PRKCE: variants seen among roughly 807,000 people sequenced by gnomAD.
PRKCE encodes the protein protein kinase C epsilon type.
In PRKCE, 16 loss-of-function variants were observed where a neutral mutation model predicts 85.4. The observed-to-expected ratio is 0.19, with a 90% CI of 0.13 to 0.28. The LOEUF is 0.28. PRKCE is among the 10% of genes least tolerant of loss of function. The pLI is 1.00. For missense variants in PRKCE, 573 were observed against 975.2 expected, an observed-to-expected ratio of 0.59 and a Z score of 5.49; for synonymous variants, 388 against 371.5, an observed-to-expected ratio of 1.04 and a Z score of -0.51.
rs745821572 is a variant in PRKCE at position 45,652,980 on chromosome 2, C to A, written c.348+532C>A. Reference sequence around the variant, plus strand: ...GGTGGTTAGCTCATCTTCTGACATACAAGTAGAAAAAATGTGTTCTCCTCC... The same window carrying A: ...GGTGGTTAGCTCATCTTCTGACATAAAAGTAGAAAAAATGTGTTCTCCTCC... On this transcript the variant is annotated intron_variant, in intron 1 of 14. Coordinates refer to ENST00000306156, the MANE Select transcript of PRKCE (RefSeq NM_005400.3). The surrounding 1 kb of genome is among the most constrained non-coding windows in gnomAD (Gnocchi z 7.7). 4.6e-5 allele frequency among the ~76,000 whole-genome samples: 7 copies of A among 152,040 alleles called. No homozygotes were observed. Among genetic ancestry groups the A allele is most frequent in the Non-Finnish European group, 8.8e-5 (6 of 68,008 alleles).
At position 45,859,659 on chromosome 2, in the gene PRKCE, T is replaced by G. The variant is rs141841901; in HGVS notation, c.412+16596T>G. Among the ~76,000 whole-genome samples the G allele has an allele frequency of 2.7e-3, 416 of 152,358 alleles. 1 individual carries two copies. The highest frequency in any genetic ancestry group is 6.8e-3 in the Middle Eastern group (2 of 294). On this transcript the variant is annotated intron_variant, in intron 2 of 14. Transcript: ENST00000306156. ...TTTTCTGTTGTTTTTGTCTATTTCT[T>G]AGTGCTTCAGAGGCAGTCATGTATT...
At chr2:45,707,557 A>T (rs1023560053) in intron 1 of PRKCE, among the ~76,000 whole-genome samples, 1 of 152,184 alleles carries the variant, frequency 6.6e-6, no homozygotes, top group African/African-American at 2.4e-5. Flanking sequence ...TGGTCCTGTG[A>T]CTTGCTCTTG....
At chr2:45,702,929 G>A (rs966136854) in intron 1 of PRKCE, among the ~76,000 whole-genome samples, 20 of 152,138 alleles carry the variant, frequency 1.3e-4, no homozygotes, top group African/African-American at 3.9e-4. Flanking sequence ...TCTGGGCTTA[G>A]TGTTCCGGAG....
At chr2:45,674,177 A>G (rs896007401) in intron 1 of PRKCE, among the ~76,000 whole-genome samples, 1 of 152,206 alleles carries the variant, frequency 6.6e-6, no homozygotes, top group Non-Finnish European at 1.5e-5. Context: ...GACTGATTTC[A>G]GGTTTTGTGC....
At chr2:45,721,070 G>A (rs1009017232) in intron 1 of PRKCE, among the ~76,000 whole-genome samples, 1 of 152,106 alleles carries the variant, frequency 6.6e-6, no homozygotes, top group Non-Finnish European at 1.5e-5. Flanking sequence ...TTGTGCCACT[G>A]TACTCCAGCC....
At chr2:46,062,141 C>T (rs1038962153) in intron 10 of PRKCE, among the ~76,000 whole-genome samples, 12 of 152,252 alleles carry the variant, frequency 7.9e-5, no homozygotes, top group East Asian at 5.8e-4. Flanking sequence ...GGATTACAGG[C>T]GTGAGCCACC....
intron 2 of PRKCE, among the ~76,000 whole-genome samples, chr2:45,874,522 A>G (rs993797404): frequency 2.0e-5 from 3 of 152,230 alleles, no homozygotes; most frequent in Non-Finnish European, 2.9e-5. Flanking sequence ...GAGGCAAGTG[A>G]CAGCCTTCCC....
chr2:45,970,745 G>T (rs2104491422), intron 2 of PRKCE, among the ~76,000 whole-genome samples: 1 of 152,038 alleles, frequency 6.6e-6, no homozygotes, highest in East Asian at 1.9e-4. Context: ...TGATTATGTA[G>T]CTGAATGTCT....
At chr2:46,061,058 G>A (rs1667068833) in intron 10 of PRKCE, among the ~76,000 whole-genome samples, 1 of 150,518 alleles carries the variant, frequency 6.6e-6, no homozygotes, top group East Asian at 1.9e-4. Flanking sequence ...AACTGCGTCC[G>A]GCCAGATTTT....
chr2:45,930,039 T>C (rs944604331), intron 2 of PRKCE, among the ~76,000 whole-genome samples: 1 of 152,214 alleles, frequency 6.6e-6, no homozygotes, highest in African/African-American at 2.4e-5. Context: ...TATATCATGG[T>C]TTTTGAAAAA....
At chr2:45,920,378 G>C (rs538691911) in intron 2 of PRKCE, among the ~76,000 whole-genome samples, 4 of 152,146 alleles carry the variant, frequency 2.6e-5, no homozygotes. Flanking sequence ...ACGATTAAAC[G>C]TGGTTGCCAT....
intron 1 of PRKCE, among the ~76,000 whole-genome samples, chr2:45,825,481 TCAGTTTTCCTAC>T (rs1689869578): frequency 6.6e-6 from 1 of 152,224 alleles, no homozygotes; most frequent in African/African-American, 2.4e-5. Flanking sequence ...AAACATTAGT[TCAGTTTTCCTAC>T]TTTTTTTTTC....
At position 46,139,703 on chromosome 2, in the gene PRKCE, T is replaced by TATATGTATATATATAC. The variant is rs1675321509; in HGVS notation, c.1593-5386_1593-5385insGTATATATATACATAT. On this transcript the variant is annotated intron_variant, in intron 11 of 14. Transcript: ENST00000306156. The surrounding 1 kb of genome is among the most constrained non-coding windows in gnomAD (Gnocchi z 5.2). ...ATATGCGTATATATATGTGTGTGTATATATATACATATATACATATACATA... is the reference window on the plus strand; with the variant it reads ...ATATGCGTATATATATGTGTGTGTATATATGTATATATATACATATATACATATATACATATACATA... 6.6e-6 allele frequency among the ~76,000 whole-genome samples: 1 copy of TATATGTATATATATAC among 151,412 alleles called. No homozygotes were observed. The highest frequency in any genetic ancestry group is 1.5e-5 in the Non-Finnish European group (1 of 67,904).
chr2:45,977,703 A>G (rs1386940796), intron 3 of PRKCE, among the ~76,000 whole-genome samples: 1 of 152,050 alleles, frequency 6.6e-6, no homozygotes, highest in South Asian at 2.1e-4. Flanking sequence ...GGCCAGCCCC[A>G]TTCCACTAAC....
intron 1 of PRKCE, among the ~76,000 whole-genome samples, chr2:45,762,395 C>T (rs1299659603): frequency 2.6e-5 from 4 of 152,238 alleles, no homozygotes; most frequent in Non-Finnish European, 5.9e-5. Flanking sequence ...TTCTCTTTTG[C>T]TCCCTGCTGA....
intron 2 of PRKCE, among the ~76,000 whole-genome samples, chr2:45,899,326 C>G (rs1392687744): frequency 6.6e-6 from 1 of 151,956 alleles, no homozygotes; most frequent in Non-Finnish European, 1.5e-5. Context: ...CCATTGCATT[C>G]AGATGATTAT....
intron 1 of PRKCE, among the ~76,000 whole-genome samples, chr2:45,812,559 G>A (rs1365510642): frequency 6.6e-6 from 1 of 152,204 alleles, no homozygotes; most frequent in Admixed American, 6.5e-5. Context: ...CCTCCTCTGT[G>A]CAGTGGGAGT....
intron 1 of PRKCE, among the ~76,000 whole-genome samples, chr2:45,727,757 C>T (rs368409342): frequency 2.6e-3 from 392 of 152,256 alleles, no homozygotes; most frequent in African/African-American, 8.9e-3. Context: ...TGGGTTCAAG[C>T]GATTCTCCCG....
chr2:46,061,849 T>C (rs1028633300), intron 10 of PRKCE, among the ~76,000 whole-genome samples: 8 of 107,952 alleles, frequency 7.4e-5, no homozygotes, highest in Non-Finnish European at 3.7e-5. Context: ...TTTTCTTTTC[T>C]TTTCTTTTTC....
Sources: allele counts gnomAD v4.1 joint callset (sites outside exome capture counted in the v4.1 genomes callset), GRCh38; gene constraint gnomAD v4.1.1; non-coding constraint Gnocchi (gnomAD v3.1); transcripts MANE v1.5; gene names NCBI Gene and HGNC (gene_info 2026-07-23, HGNC 2026-07-21).